The following SNTG1 variants were observed in gnomAD, a reference collection of about 807,000 sequenced individuals.
The protein encoded by SNTG1 is syntrophin gamma 1, also known as gamma-1-syntrophin.
Under a neutral mutation model 74.7 loss-of-function variants are expected in SNTG1, and 39 were observed. The observed-to-expected ratio is 0.52, with a 90% CI of 0.40 to 0.68. The LOEUF (loss-of-function observed/expected upper bound fraction) is 0.68. Among genes scored for constraint, SNTG1 ranks in the 30% least tolerant of loss-of-function variants. The pLI, the probability that SNTG1 is intolerant of heterozygous loss-of-function variation, is 0.00. For synonymous variants in SNTG1, 254 were observed against 217.1 expected (o/e 1.17, Z -1.49); for missense variants, 685 against 609.5 (o/e 1.12, Z -1.30).
In SNTG1 at chr8:50,794,310, A is replaced by C. The variant is rs1208555553; in HGVS notation, c.*1481A>C. ...ACAGATTTACTAATTTAAAAAATTA[A>C]TATCAAGTTGTTTTTATACTCATGA... is the stretch of plus-strand genomic sequence containing the variant. On this transcript the variant is annotated 3_prime_UTR_variant, in exon 19 of 19. Coordinates refer to ENST00000642720, the MANE Select transcript of SNTG1 (RefSeq NM_018967.5). 6.6e-6 allele frequency: 1 copy of C among 151,904 alleles called. No homozygotes were observed. The highest frequency in any genetic ancestry group is 1.5e-5 in the Non-Finnish European group (1 of 67,916). The allele number at this position is 151,904 out of a possible 1,614,324, so 9.4% of individuals were successfully genotyped here.
At chr8:50,341,406 T>G (rs988671082) in intron 2 of SNTG1, among the ~76,000 whole-genome samples, 1 of 151,956 alleles carries the variant, frequency 6.6e-6, no homozygotes, top group Non-Finnish European at 1.5e-5. Flanking sequence ...TAATGAATAT[T>G]TGCTACAGTC....
intron 2 of SNTG1, among the ~76,000 whole-genome samples, chr8:50,263,019 A>G (rs941612024): frequency 6.6e-5 from 10 of 152,152 alleles, no homozygotes; most frequent in African/African-American, 2.2e-4. Flanking sequence ...TCCGTTTAGC[A>G]GTCTATTTTA....
At chr8:50,165,570 G>T (rs547645513) in intron 1 of SNTG1, among the ~76,000 whole-genome samples, 1 of 152,036 alleles carries the variant, frequency 6.6e-6, no homozygotes, top group Non-Finnish European at 1.5e-5. Flanking sequence ...TTAAATTTAC[G>T]TCATCTTCAG....
chr8:50,716,268 A>T (rs911798076), intron 17 of SNTG1, among the ~76,000 whole-genome samples: 2 of 151,796 alleles, frequency 1.3e-5, no homozygotes, highest in African/African-American at 4.9e-5. Flanking sequence ...GACAGTTACT[A>T]AAAATATTAA....
intron 1 of SNTG1, among the ~76,000 whole-genome samples, chr8:49,923,684 T>G (rs910589519): frequency 4.0e-5 from 6 of 151,836 alleles, no homozygotes; most frequent in Non-Finnish European, 8.8e-5. Context: ...TTTAAACAAC[T>G]GGAACAAATC....
At chr8:50,112,446 A>G (rs545716933) in intron 1 of SNTG1, among the ~76,000 whole-genome samples, 1 of 152,012 alleles carries the variant, frequency 6.6e-6, no homozygotes, top group Non-Finnish European at 1.5e-5. Flanking sequence ...CCTTAATTAA[A>G]AAACTAGTTA....
At chr8:50,487,904 T>A (rs1361101959) in intron 8 of SNTG1, among the ~76,000 whole-genome samples, 1 of 152,192 alleles carries the variant, frequency 6.6e-6, no homozygotes, top group Non-Finnish European at 1.5e-5. Flanking sequence ...TATTTCTTCA[T>A]TGCTTATTCT....
chr8:50,078,530 A>T (rs911451434), intron 1 of SNTG1, among the ~76,000 whole-genome samples: 3 of 151,776 alleles, frequency 2.0e-5, no homozygotes, highest in Non-Finnish European at 4.4e-5. Context: ...TGTGAATGAG[A>T]TTTTTTTCTT....
chr8:50,526,425 T>C (rs1406196046), intron 9 of SNTG1, among the ~76,000 whole-genome samples: 1 of 152,178 alleles, frequency 6.6e-6, no homozygotes, highest in Non-Finnish European at 1.5e-5. Context: ...CCATTTTTAA[T>C]GTGGCTGCTC....
At chr8:50,390,308 C>G (rs184257329) in intron 2 of SNTG1, among the ~76,000 whole-genome samples, 2 of 152,166 alleles carry the variant, frequency 1.3e-5, no homozygotes, top group Non-Finnish European at 2.9e-5. Flanking sequence ...ATATAGCTAG[C>G]CAGTTTTCCC....
intron 1 of SNTG1, among the ~76,000 whole-genome samples, chr8:49,944,674 C>T (rs536273372): frequency 9.3e-5 from 14 of 150,672 alleles, no homozygotes; most frequent in African/African-American, 2.9e-4. Context: ...CACATGTATA[C>T]ATGTGTAACT....
At chr8:50,656,834 C>A in intron 13 of SNTG1, 75 bp from the exon 14 acceptor site, 1 of 905,946 alleles carries the variant, frequency 1.1e-6, no homozygotes, top group Non-Finnish European at 1.7e-6. Context: ...TTAATATTTG[C>A]ATCTAAATAT....
chr8:50,329,994 C>A (rs2090901684), intron 2 of SNTG1, among the ~76,000 whole-genome samples: 1 of 152,194 alleles, frequency 6.6e-6, no homozygotes, highest in Admixed American at 6.5e-5. Flanking sequence ...GACATTTGCT[C>A]CAGTTCCCAA....
intron 15 of SNTG1, among the ~76,000 whole-genome samples, chr8:50,660,247 AAAG>A (rs201195524): frequency 0.019 from 2,800 of 150,058 alleles, 53 homozygotes; most frequent in Middle Eastern, 0.037. Context: ...AGAAGGAAGG[AAAG>A]AAGGAGGGAA....
chr8:50,196,465 G>T (rs747708912), intron 2 of SNTG1, among the ~76,000 whole-genome samples: 1 of 152,106 alleles, frequency 6.6e-6, no homozygotes, highest in Non-Finnish European at 1.5e-5. Context: ...TCTTTAAGCC[G>T]TGTCTACTTT....
intron 1 of SNTG1, among the ~76,000 whole-genome samples, chr8:50,079,017 A>C (rs1400318287): frequency 6.6e-6 from 1 of 152,224 alleles, no homozygotes; most frequent in African/African-American, 2.4e-5. Context: ...TGCAATAAAC[A>C]TACATGTGCA....
chr8:50,576,904 T>C (rs904178145), intron 12 of SNTG1, among the ~76,000 whole-genome samples: 2 of 152,162 alleles, frequency 1.3e-5, no homozygotes, highest in African/African-American at 4.8e-5. Context: ...CTATGAACAA[T>C]GATAACATTA....
Position 50,634,235 on chromosome 8 carries a change from G to T in SNTG1, c.850-22674G>T, listed in dbSNP as rs2095023811. On this transcript the variant is annotated intron_variant, in intron 13 of 18. Coordinates refer to ENST00000642720, the MANE Select transcript of SNTG1 (RefSeq NM_018967.5). Reference sequence around the variant, plus strand: ...ACTGACATTTAATCTGTTGCCAATAGCTTAGCTGTTTGGTCTGCCACTTGG... The same window carrying T: ...ACTGACATTTAATCTGTTGCCAATATCTTAGCTGTTTGGTCTGCCACTTGG... Among the ~76,000 whole-genome samples the T allele has an allele frequency of 2.0e-5, 3 of 152,158 alleles. No individual in the cohort carries two copies. In the South Asian group the frequency reaches 6.2e-4, roughly 31 times the overall value.
intron 1 of SNTG1, among the ~76,000 whole-genome samples, chr8:49,922,168 G>C (rs1467054668): frequency 6.6e-6 from 1 of 152,084 alleles, no homozygotes; most frequent in Non-Finnish European, 1.5e-5. Context: ...GGCCCTGTCT[G>C]TTCCATCAGA....
Sources: allele counts gnomAD v4.1 joint callset (sites outside exome capture counted in the v4.1 genomes callset), GRCh38; gene constraint gnomAD v4.1.1; transcripts MANE v1.5; gene names NCBI Gene and HGNC (gene_info 2026-07-23, HGNC 2026-07-21).